The following ANO10 variants were observed in gnomAD, a reference collection of about 807,000 sequenced individuals.
The protein encoded by ANO10 is anoctamin 10.
ANO10 carries 77 observed loss-of-function variants against 74.7 expected under a neutral mutation model. The observed-to-expected ratio is 1.03, with a 90% CI of 0.86 to 1.25. The LOEUF (loss-of-function observed/expected upper bound fraction) is 1.25. Ranked by LOEUF, ANO10 falls within the 50% of genes most tolerant of loss-of-function variation. The pLI is 0.00. For synonymous variants in ANO10, 279 were observed against 284.9 expected, an observed-to-expected ratio of 0.98 and a Z score of 0.21; for missense variants, 721 against 778.1, an observed-to-expected ratio of 0.93 and a Z score of 0.87.
chr3:43,573,922 T>C (rs2080867660), intron 7 of ANO10, among the ~76,000 whole-genome samples: 1 of 152,138 alleles, frequency 6.6e-6, no homozygotes, highest in African/African-American at 2.4e-5. Context: ...AATAGAAACA[T>C]ATCTAAAAAG....
chr3:43,663,052 A>G (rs146261862), intron 1 of ANO10, among the ~76,000 whole-genome samples: 1,649 of 152,344 alleles, frequency 0.011, 30 homozygotes, highest in African/African-American at 0.038. Flanking sequence ...TGAGGCCAGC[A>G]TCATCCTGAT....
intron 11 of ANO10, among the ~76,000 whole-genome samples, chr3:43,441,696 T>A (rs2093162785): frequency 6.6e-6 from 1 of 151,920 alleles, no homozygotes; most frequent in African/African-American, 2.4e-5. Flanking sequence ...ACCAAAGACA[T>A]AATTTAAAAA....
chr3:43,388,685 T>G (rs959908106), intron 12 of ANO10, among the ~76,000 whole-genome samples: 1 of 152,152 alleles, frequency 6.6e-6, no homozygotes, highest in South Asian at 2.1e-4. Flanking sequence ...GTAAGACCAA[T>G]ATTACCAAAC....
intron 1 of ANO10, among the ~76,000 whole-genome samples, chr3:43,639,687 A>G (rs1220043730): frequency 1.3e-5 from 2 of 151,962 alleles, no homozygotes; most frequent in East Asian, 3.9e-4. Flanking sequence ...GAGGCAGGAG[A>G]ATCCCTTGAA....
chr3:43,481,664 T>G (rs761395381), intron 11 of ANO10, among the ~76,000 whole-genome samples: 1 of 152,194 alleles, frequency 6.6e-6, no homozygotes, highest in Non-Finnish European at 1.5e-5. Flanking sequence ...GGAGGCTTCA[T>G]CTGCATGATA....
intron 11 of ANO10, among the ~76,000 whole-genome samples, chr3:43,520,159 C>T (rs1258931742): frequency 6.6e-6 from 1 of 152,136 alleles, no homozygotes; most frequent in African/African-American, 2.4e-5. Flanking sequence ...CTGGTCCATA[C>T]AACTTTCCTT....
At chr3:43,554,008 T>A (rs2079611716) in intron 10 of ANO10, among the ~76,000 whole-genome samples, 1 of 152,210 alleles carries the variant, frequency 6.6e-6, no homozygotes, top group African/African-American at 2.4e-5. Flanking sequence ...ATCCTAATTC[T>A]GTTTTTTCAT....
intron 1 of ANO10, among the ~76,000 whole-genome samples, chr3:43,654,331 C>T (rs886926091): frequency 2.0e-5 from 3 of 151,970 alleles, no homozygotes; most frequent in Non-Finnish European, 4.4e-5. Context: ...TCTCCTTTTC[C>T]GACCCCTAGA....
chr3:43,672,163 G>A (rs2149577822), intron 1 of ANO10, among the ~76,000 whole-genome samples: 1 of 152,198 alleles, frequency 6.6e-6, no homozygotes, highest in Admixed American at 6.5e-5. Flanking sequence ...TACCTGGATG[G>A]CACTTATGCA....
At chr3:43,430,220 T>A (rs4420837) in intron 12 of ANO10, among the ~76,000 whole-genome samples, 1 of 151,962 alleles carries the variant, frequency 6.6e-6, no homozygotes. Flanking sequence ...TTGTTATATA[T>A]GAAAATATTT....
At chr3:43,515,138 A>T (rs1250665796) in intron 11 of ANO10, among the ~76,000 whole-genome samples, 2 of 152,210 alleles carry the variant, frequency 1.3e-5, no homozygotes, top group African/African-American at 2.4e-5. Context: ...AAGATCTATA[A>T]ATGTGATGGT....
At chr3:43,573,026 ACTGTAT>A (rs2080814912) in intron 7 of ANO10, among the ~76,000 whole-genome samples, 1 of 152,030 alleles carries the variant, frequency 6.6e-6, no homozygotes, top group Non-Finnish European at 1.5e-5. Context: ...AAGTTACCTA[ACTGTAT>A]CTGGCATCAT....
At position 43,371,471 on chromosome 3, in the gene ANO10, T is replaced by A. The variant is rs923473612; in HGVS notation, c.1915-4497A>T. Among the ~76,000 whole-genome samples, 5 of 152,080 alleles carry A rather than the reference T, an allele frequency of 3.3e-5. No homozygotes were observed. In the South Asian group the frequency reaches 8.3e-4, roughly 25 times the overall value. ...CCCATTCCTACTCCCCGACCCAAAGTCTGATTTAATGCACCTAAGTGTGGC... is the reference window on the plus strand; with the variant it reads ...CCCATTCCTACTCCCCGACCCAAAGACTGATTTAATGCACCTAAGTGTGGC... On this transcript the variant is annotated intron_variant, in intron 12 of 12. Coordinates refer to ENST00000292246, the MANE Select transcript of ANO10 (RefSeq NM_018075.5).
chr3:43,660,080 C>T (rs971606424), intron 1 of ANO10, among the ~76,000 whole-genome samples: 2 of 150,704 alleles, frequency 1.3e-5, no homozygotes, highest in African/African-American at 2.4e-5. Flanking sequence ...CACACCAAAA[C>T]CCCATCTGTA....
At chr3:43,535,308 G>C (rs556605619) in intron 11 of ANO10, among the ~76,000 whole-genome samples, 3 of 124,430 alleles carry the variant, frequency 2.4e-5, no homozygotes, top group Non-Finnish European at 4.8e-5. Flanking sequence ...AAGAGGTCTC[G>C]CTCTGTCACC....
intron 5 of ANO10, among the ~76,000 whole-genome samples, chr3:43,577,721 C>T (rs1452751973): frequency 6.6e-6 from 1 of 152,178 alleles, no homozygotes; most frequent in Admixed American, 6.5e-5. Flanking sequence ...CTGCTCTTCC[C>T]TACCCAGAGA....
chr3:43,552,692 C>G (rs1202169214), intron 10 of ANO10, among the ~76,000 whole-genome samples: 1 of 96,458 alleles, frequency 1.0e-5, no homozygotes, highest in Non-Finnish European at 2.1e-5. Flanking sequence ...AAAATATTAT[C>G]TCTGGATATA....
At chr3:43,628,586 C>G (rs903581346) in intron 1 of ANO10, among the ~76,000 whole-genome samples, 2 of 152,158 alleles carry the variant, frequency 1.3e-5, no homozygotes, top group Non-Finnish European at 1.5e-5. Context: ...GCTGGTGAGC[C>G]GGGCGGAACA....
At chr3:43,403,091 T>C (rs916544426) in intron 12 of ANO10, among the ~76,000 whole-genome samples, 1 of 152,188 alleles carries the variant, frequency 6.6e-6, no homozygotes, top group African/African-American at 2.4e-5. Context: ...TGTTAGATTA[T>C]TTTTTCTTCC....
Sources: allele counts gnomAD v4.1 joint callset (sites outside exome capture counted in the v4.1 genomes callset), GRCh38; gene constraint gnomAD v4.1.1; transcripts MANE v1.5; gene names NCBI Gene and HGNC (gene_info 2026-07-23, HGNC 2026-07-21).